The following RTL4 variants were observed in gnomAD, a reference collection of about 807,000 sequenced individuals.
The protein encoded by RTL4 is retrotransposon Gag-like protein 4.
Under a neutral mutation model 5.3 loss-of-function variants are expected in RTL4, and 4 were observed. The observed-to-expected ratio is 0.75, with a 90% confidence interval of 0.37 to 1.72. The LOEUF (loss-of-function observed/expected upper bound fraction) is 1.72, where lower values mean the gene tolerates loss of function less well. Ranked by LOEUF, RTL4 falls within the 40% of genes most tolerant of loss-of-function variation. The pLI is 0.04. For missense variants in RTL4, 260 were observed against 227.1 expected (o/e 1.14, Z -0.93); for synonymous variants, 98 against 87.3 (o/e 1.12, Z -0.68).
At chrX:112,390,010 T>C in the RTL4 span, among the ~76,000 whole-genome samples, 1 of 96,312 alleles carries the variant, frequency 1.0e-5, no homozygotes, top group Non-Finnish European at 2.1e-5. Context: ...TATTGAAGTC[T>C]CCCACTATTA....
the RTL4 span, among the ~76,000 whole-genome samples, chrX:112,331,311 G>GA: frequency 9.4e-6 from 1 of 106,369 alleles, no homozygotes; most frequent in Non-Finnish European, 1.9e-5. Flanking sequence ...AAATTTACAA[G>GA]AAAAAAACAA....
the RTL4 span, among the ~76,000 whole-genome samples, chrX:112,311,235 G>A: frequency 9.1e-6 from 1 of 110,418 alleles, no homozygotes; most frequent in Admixed American, 9.9e-5. Flanking sequence ...AGAGTACTGA[G>A]TGGGAAGAAT....
At chrX:112,395,390 T>C in the RTL4 span, among the ~76,000 whole-genome samples, 6 of 110,227 alleles carry the variant, frequency 5.4e-5, no homozygotes, top group African/African-American at 2.0e-4. Flanking sequence ...ACTATCTATA[T>C]GTATCCTATA....
At chrX:112,119,057 C>T in the RTL4 span, among the ~76,000 whole-genome samples, 1 of 104,423 alleles carries the variant, frequency 9.6e-6, no homozygotes, top group Non-Finnish European at 2.0e-5. Context: ...GGGGTTTCGC[C>T]ATGTTGACCA....
At chrX:112,396,460 GT>G in the RTL4 span, among the ~76,000 whole-genome samples, 1 of 110,827 alleles carries the variant, frequency 9.0e-6, no homozygotes, top group Non-Finnish European at 1.9e-5. Context: ...TGTGTAGATA[GT>G]TGTTAAATTT....
the RTL4 span, among the ~76,000 whole-genome samples, chrX:112,136,326 C>A: frequency 9.0e-6 from 1 of 111,361 alleles, no homozygotes; most frequent in Non-Finnish European, 1.9e-5. Context: ...ATTTCCTTTT[C>A]TTACCTGATT....
chrX:112,411,580 T>C, the RTL4 span, among the ~76,000 whole-genome samples: 3 of 111,468 alleles, frequency 2.7e-5, no homozygotes, highest in African/African-American at 9.8e-5. Context: ...ATACATCATG[T>C]CAAGAGAATG....
chrX:112,114,291 C>T, the RTL4 span, among the ~76,000 whole-genome samples: 1 of 111,568 alleles, frequency 9.0e-6, no homozygotes, highest in Admixed American at 9.5e-5. Context: ...CAGTGGGGAT[C>T]CATACTGGGG....
At chrX:112,144,945 T>A in the RTL4 span, among the ~76,000 whole-genome samples, 1 of 111,500 alleles carries the variant, frequency 9.0e-6, no homozygotes, top group East Asian at 2.8e-4. Context: ...TTGATCAGGG[T>A]GACATTGTGC....
At chrX:112,356,359 T>C in the RTL4 span, among the ~76,000 whole-genome samples, 2 of 111,459 alleles carry the variant, frequency 1.8e-5, no homozygotes, top group East Asian at 5.7e-4. Context: ...GTAATGCACT[T>C]TCCTCATCCT....
the RTL4 span, among the ~76,000 whole-genome samples, chrX:112,097,984 G>C: frequency 9.0e-6 from 1 of 111,424 alleles, no homozygotes; most frequent in Non-Finnish European, 1.9e-5. Flanking sequence ...TATACTTTAA[G>C]TTTTAGGGTA....
At chrX:112,172,570 T>C in the RTL4 span, among the ~76,000 whole-genome samples, 2 of 111,379 alleles carry the variant, frequency 1.8e-5, no homozygotes, top group Non-Finnish European at 3.8e-5. Flanking sequence ...AAATTATTAA[T>C]AGTTCAACCA....
the RTL4 span, among the ~76,000 whole-genome samples, chrX:112,325,405 A>G: frequency 2.7e-5 from 3 of 112,075 alleles, no homozygotes; most frequent in Non-Finnish European, 5.6e-5. Flanking sequence ...AAACTATACT[A>G]CAAGGCTACA....
At chrX:112,437,458 G>C in the RTL4 span, among the ~76,000 whole-genome samples, 1 of 111,371 alleles carries the variant, frequency 9.0e-6, no homozygotes, top group Non-Finnish European at 1.9e-5. Context: ...TTGAGGTGAT[G>C]GATGTTAATT....
chrX:112,094,249 C>T, the RTL4 span, among the ~76,000 whole-genome samples: 2 of 111,531 alleles, frequency 1.8e-5, no homozygotes, highest in Non-Finnish European at 3.8e-5. Context: ...AGTGATGGAT[C>T]GAATATGGTG....
the RTL4 span, among the ~76,000 whole-genome samples, chrX:112,232,936 G>T: frequency 2.7e-5 from 3 of 111,023 alleles, no homozygotes; most frequent in African/African-American, 9.8e-5. Flanking sequence ...TCAGGATAGG[G>T]GGATGGTGAT....
At chrX:112,310,875 A>C in the RTL4 span, among the ~76,000 whole-genome samples, 4 of 92,091 alleles carry the variant, frequency 4.3e-5, no homozygotes, top group Non-Finnish European at 8.3e-5. Flanking sequence ...ACATATATAT[A>C]AAATATATGT....
At chrX:112,296,901 G>A in the RTL4 span, among the ~76,000 whole-genome samples, 2 of 109,909 alleles carry the variant, frequency 1.8e-5, no homozygotes, top group Non-Finnish European at 3.8e-5. Context: ...ACAGGCATGA[G>A]CCACCGCGCC....
chrX:112,404,477 T>A, the RTL4 span, among the ~76,000 whole-genome samples: 2 of 112,140 alleles, frequency 1.8e-5, no homozygotes, highest in African/African-American at 6.5e-5. Flanking sequence ...TCTCCGTTTT[T>A]TCTCTTTGCG....
Sources: allele counts gnomAD v4.1 joint callset (sites outside exome capture counted in the v4.1 genomes callset), GRCh38; gene constraint gnomAD v4.1.1; transcripts MANE v1.5; gene names NCBI Gene and HGNC (gene_info 2026-07-23, HGNC 2026-07-21).